ZNF584: variants seen among roughly 807,000 people sequenced by gnomAD.
ZNF584 encodes the protein zinc finger protein 584.
In ZNF584, 12 loss-of-function variants were observed where a neutral mutation model predicts 14.7. The ratio of observed to expected loss-of-function variants is 0.82; its 90% confidence interval spans 0.52 to 1.32. The LOEUF (loss-of-function observed/expected upper bound fraction) is 1.32. ZNF584 is among the 40% of genes most tolerant of loss of function. The probability of loss-of-function intolerance (pLI) is 0.00; values close to 1 mark genes in which losing one functional copy is unlikely to be tolerated. For missense variants in ZNF584, 478 were observed against 518.8 expected, an observed-to-expected ratio of 0.92 and a Z score of 0.76; for synonymous variants, 204 against 190.9, an observed-to-expected ratio of 1.07 and a Z score of -0.57.
rs1174667718 is a variant in ZNF584, at chr19:58,410,012, G to A, written c.90G>A (p.Glu30=). 1 of 1,613,998 alleles carries A rather than the reference G, an allele frequency of 6.2e-7. No individual in the cohort carries two copies. The highest frequency in any genetic ancestry group is 1.7e-5 in the Admixed American group (1 of 59,992). The change falls in exon 2 of 4, where the codon GAG becomes GAA. Residue 30 remains glutamate (E), a synonymous_variant. Coordinates refer to ENST00000306910, the MANE Select transcript of ZNF584 (RefSeq NM_173548.3). ...TGACGGTATATTTCTCCAGGGAGGA[G>A]TGGGGGCTCCTTAATGTGACCCAGA... ...EDVTVYFSRE[E]WGLLNVTQKG...
At chr19:58,407,796 AGGAGCCC>A (rs1238375762), upstream of ZNF584, among the ~76,000 whole-genome samples, 3 of 152,202 alleles carry the variant, frequency 2.0e-5, no homozygotes, top group Non-Finnish European at 4.4e-5. Context: ...GAGGACACCC[AGGAGCCC>A]GGTTATTCTC....
Position 58,418,243 on chromosome 19 carries a change from G to C in ZNF584, c.*459G>C, listed in dbSNP as rs529149083. The C allele has an allele frequency of 5.2e-6, 1 of 193,840 alleles. No homozygotes were observed. Among genetic ancestry groups the C allele is most frequent in the Non-Finnish European group, 1.1e-5 (1 of 92,730 alleles). The allele number at this position is 193,840 out of a possible 1,614,324, so 12.0% of individuals were successfully genotyped here. A position where few individuals can be genotyped will look rare whatever the true frequency, so the allele number is the denominator to read the frequency against. ...ATGGAAATGGTTGACATTACACATG[G>C]TATTTGTCATGCCCTAGCATGGACT... On this transcript the variant is annotated 3_prime_UTR_variant, in exon 4 of 4. Coordinates refer to ENST00000306910, the MANE Select transcript of ZNF584 (RefSeq NM_173548.3).
At chr19:58,401,895 A>AAAT (rs1390893612) in intron 1 of ZNF584, among the ~76,000 whole-genome samples, 1 of 144,592 alleles carries the variant, frequency 6.9e-6, no homozygotes, top group Non-Finnish European at 1.5e-5. Context: ...CAAAAAAAAA[A>AAAT]AAAAAAAAAG....
rs2052653684 is a variant in ZNF584 at position 58,417,144 on chromosome 19, C to T, written c.626C>T (p.Thr209Ile). 1 of 1,613,760 alleles carries T rather than the reference C, an allele frequency of 6.2e-7. No individual in the cohort carries two copies. ...SAHINPRKIH[T>I]GETAHVCNEC... ...CATATTAACCCCCGAAAAATTCACA[C>T]TGGAGAAACAGCCCATGTGTGTAAT... Residue 209 changes from threonine to isoleucine, a missense_variant, in exon 4 of 4, where the codon ACT (threonine) becomes ATT (isoleucine). Thr to Ile is a moderately conservative substitution (Grantham distance 89, BLOSUM62 -1). This residue lies in a region of ZNF584 where 283 missense variants were observed against 317.3 expected (regional missense o/e 0.89). Coordinates refer to ENST00000306910, the MANE Select transcript of ZNF584 (RefSeq NM_173548.3).
In ZNF584 at chr19:58,410,539, A is replaced by AATTTTTTTTTTTTTTTTTTTTT; in HGVS notation, c.169+448_169+449insATTTTTTTTTTTTTTTTTTTTT. 7.5e-4 allele frequency among the ~76,000 whole-genome samples: 29 copies of AATTTTTTTTTTTTTTTTTTTTT among 38,700 alleles called. 4 individuals carry two copies. Among genetic ancestry groups the AATTTTTTTTTTTTTTTTTTTTT allele is most frequent in the African/African-American group, 1.9e-3 (15 of 7,922 alleles). 25.4% of individuals were successfully genotyped at this position (38,700 alleles called of 152,430 possible). On this transcript the variant is annotated intron_variant, in intron 2 of 3. Transcript: ENST00000306910. The stretch of plus-strand genomic sequence containing the variant: ...GGGAAATATATATATATATATATAT[A>AATTTTTTTTTTTTTTTTTTTTT]TATATATATATATATATATGTGTAT...
intron 3 of ZNF584, chr19:58,416,058 C>T: frequency 8.0e-7 from 1 of 1,254,334 alleles, no homozygotes; most frequent in East Asian, 2.5e-5. Flanking sequence ...CACCAGCAGC[C>T]AAGGCCCTGC....
At chr19:58,410,279 A>G (rs944742634) in intron 2 of ZNF584, among the ~76,000 whole-genome samples, 188 bp downstream of exon 2, 2 of 151,386 alleles carry the variant, frequency 1.3e-5, no homozygotes, top group African/African-American at 4.9e-5. Context: ...TTCTCTGAGC[A>G]ATGCTGTTGG....
Position 58,417,377 on chromosome 19 carries a change from C to T in ZNF584, c.859C>T (p.Arg287Trp), listed in dbSNP as rs748718733. Residue 287 changes from arginine (R) to tryptophan (W), a missense_variant, in exon 4 of 4, where the codon CGG becomes TGG. Arg to Trp is a moderately radical substitution (Grantham distance 101). Around this residue, in one of 3 missense-constraint regions of ZNF584, gnomAD observed 283 missense variants for 317.3 expected, o/e 0.89. Transcript: ENST00000306910. ...CTTCAGTGTTCTGTCTACCCTCATT[C>T]GGCACCGGAAAGTGCACATTGGAGA... Reference protein sequence around the residue: ...KTFSVLSTLIRHRKVHIGERP... With the variant: ...KTFSVLSTLIWHRKVHIGERP... The T allele has an allele frequency of 1.4e-5, 23 of 1,614,034 alleles. No individual in the cohort carries two copies. The East Asian group carries it at 2.9e-4, about 20-fold the overall frequency.
chr19:58,416,092 C>A, intron 3 of ZNF584: 2 of 807,002 alleles, frequency 2.5e-6, no homozygotes, highest in Non-Finnish European at 3.8e-6. Flanking sequence ...AGAGGAGTGA[C>A]TTGGAGACCC....
At chr19:58,409,508 G>A (rs2052514512) in intron 1 of ZNF584, among the ~76,000 whole-genome samples, 1 of 152,206 alleles carries the variant, frequency 6.6e-6, no homozygotes, top group Non-Finnish European at 1.5e-5. Flanking sequence ...TGAGCAGGAG[G>A]CAAACTGGAC....
rs1181490177 is a variant in ZNF584 at position 58,410,671 on chromosome 19, ATG to A, written c.169+584_169+585del. 1.8e-4 allele frequency among the ~76,000 whole-genome samples: 2 copies of A among 11,400 alleles called. 1 individual carries two copies. The allele number at this position is 11,400 out of a possible 152,430, so 7.5% of individuals were successfully genotyped here. On this transcript the variant is annotated intron_variant, in intron 2 of 3. Coordinates refer to ENST00000306910, the MANE Select transcript of ZNF584 (RefSeq NM_173548.3). ...TGTATATATGTGTATATATGTATAT[ATG>A]TGTATATATATGTATATATGTATAT...
intron 2 of ZNF584, among the ~76,000 whole-genome samples, chr19:58,415,060 T>G (rs1411767675): frequency 9.5e-5 from 4 of 42,272 alleles, no homozygotes; most frequent in African/African-American, 3.3e-4. Flanking sequence ...ATCCGCCTGA[T>G]TTTTTTGTAT....
At chr19:58,408,315 A>G (rs1299408430), upstream of ZNF584, 1 of 152,226 alleles carries the variant, frequency 6.6e-6, no homozygotes, top group Non-Finnish European at 1.5e-5. Flanking sequence ...CCGCCCCTCC[A>G]CTGTGAGGTC....
chr19:58,406,635 C>T (rs2052476063), upstream of ZNF584: 1 of 152,022 alleles, frequency 6.6e-6, no homozygotes, highest in South Asian at 2.1e-4. Context: ...TACTTCCATC[C>T]CCAGCTTGCA....
chr19:58,415,698 G>A, intron 3 of ZNF584, 52 bp downstream of exon 3: 1 of 1,608,390 alleles, frequency 6.2e-7, no homozygotes, highest in Non-Finnish European at 8.5e-7. Flanking sequence ...CTCACAGAAT[G>A]CTGAGTACCT....
chr19:58,410,542 T>TAC (rs1736381318), intron 2 of ZNF584, among the ~76,000 whole-genome samples: 1 of 15,382 alleles, frequency 6.5e-5, no homozygotes, highest in African/African-American at 2.6e-4. Context: ...TATATATATA[T>TAC]ATATATATAT....
At chr19:58,403,222 A>T (rs974244281) in intron 1 of ZNF584, among the ~76,000 whole-genome samples, 8 of 152,228 alleles carry the variant, frequency 5.3e-5, no homozygotes, top group African/African-American at 1.9e-4. Flanking sequence ...AAAACCACAC[A>T]AATTATTATA....
At position 58,415,603 on chromosome 19, in the gene ZNF584, G is replaced by A. The variant is rs764187122; in HGVS notation, c.249G>A (p.Val83=). The change falls in exon 3 of 4, where the codon GTG becomes GTA. Residue 83 remains valine, a synonymous_variant. Coordinates refer to ENST00000306910, the MANE Select transcript of ZNF584 (RefSeq NM_173548.3). ...CGTGGGTGCCCAGCTGGGTGGATGT[G>A]ACTCCAGTCAGCAGAGCAGAAGCCA... ...EQSWVPSWVD[V]TPVSRAEARR... is the part of the protein sequence containing the mutation. The A allele has an allele frequency of 6.2e-7, 1 of 1,614,004 alleles. No individual in the cohort carries two copies. Among genetic ancestry groups the A allele is most frequent in the Admixed American group, 1.7e-5 (1 of 59,998 alleles).
At chr19:58,414,191 T>G (rs2052611635) in intron 2 of ZNF584, among the ~76,000 whole-genome samples, 1 of 152,308 alleles carries the variant, frequency 6.6e-6, no homozygotes, top group African/African-American at 2.4e-5. Context: ...TGACTCTGGA[T>G]TTTTAGGAAT....
Sources: gnomAD v4.1 joint callset for allele counts (sites outside exome capture counted in the v4.1 genomes callset) on GRCh38, gnomAD v4.1.1 for gene constraint, gnomAD v4.1.1 regional missense constraint, MANE v1.5 for transcripts, NCBI Gene and HGNC (gene_info 2026-07-23, HGNC 2026-07-21) for gene names.